RALGPS1: variants seen among roughly 807,000 people sequenced by gnomAD.
RALGPS1 encodes ras-specific guanine nucleotide-releasing factor RalGPS1.
A neutral mutation model predicts 78.8 loss-of-function variants in RALGPS1; 19 were observed. That is an observed-to-expected ratio of 0.24 (90% CI 0.17 to 0.35). The LOEUF is 0.35. Ranked by LOEUF, RALGPS1 falls within the 10% of genes least tolerant of loss-of-function variation. The probability of loss-of-function intolerance (pLI) is 1.00; values close to 1 mark genes in which losing one functional copy is unlikely to be tolerated. For missense variants in RALGPS1, 454 were observed against 688.3 expected (o/e 0.66, Z 3.81); for synonymous variants, 228 against 256.3 (o/e 0.89, Z 1.06).
intron 4 of RALGPS1, among the ~76,000 whole-genome samples, chr9:127,001,470 A>G (rs1235500111): frequency 6.6e-6 from 1 of 152,152 alleles, no homozygotes; most frequent in Non-Finnish European, 1.5e-5. Flanking sequence ...TTAAACTTAT[A>G]GTCTACTTTC....
At chr9:127,207,171 G>A (rs949652836) in intron 14 of RALGPS1, among the ~76,000 whole-genome samples, 4 of 151,612 alleles carry the variant, frequency 2.6e-5, no homozygotes, top group East Asian at 1.9e-4. Flanking sequence ...CACCATCATC[G>A]TTATCCCATC....
intron 8 of RALGPS1, chr9:127,108,775 G>T: frequency 6.5e-7 from 1 of 1,543,260 alleles, no homozygotes; most frequent in South Asian, 1.2e-5. Context: ...TAGAATCTAT[G>T]AAAGCCTGAA....
chr9:127,010,744 T>C (rs2044264314), intron 4 of RALGPS1, among the ~76,000 whole-genome samples: 1 of 152,220 alleles, frequency 6.6e-6, no homozygotes, highest in East Asian at 1.9e-4. Context: ...TGCTAATTGA[T>C]GGCCTCAAAA....
chr9:127,144,107 C>T (rs1263113082), intron 8 of RALGPS1, among the ~76,000 whole-genome samples: 3 of 152,248 alleles, frequency 2.0e-5, no homozygotes, highest in African/African-American at 7.2e-5. Context: ...TTCCCTGCCA[C>T]CTCCTTTTCT....
At chr9:127,035,600 C>T (rs1212343015) in intron 5 of RALGPS1, among the ~76,000 whole-genome samples, 1 of 152,176 alleles carries the variant, frequency 6.6e-6, no homozygotes, top group Non-Finnish European at 1.5e-5. Context: ...TGGGCCTTCT[C>T]TCTCGGAAAT....
chr9:127,149,913 T>A (rs1363389795), intron 8 of RALGPS1, among the ~76,000 whole-genome samples: 1 of 152,236 alleles, frequency 6.6e-6, no homozygotes, highest in African/African-American at 2.4e-5. Context: ...GGTCAGCCCA[T>A]GTGGCAGCAC....
intron 8 of RALGPS1, among the ~76,000 whole-genome samples, chr9:127,118,198 CA>C (rs2055644239): frequency 6.6e-6 from 1 of 152,160 alleles, no homozygotes; most frequent in Non-Finnish European, 1.5e-5. Flanking sequence ...TTCCTGGGAC[CA>C]AAATGTGGCT....
intron 1 of RALGPS1, among the ~76,000 whole-genome samples, chr9:126,951,924 T>A (rs1422580655): frequency 6.6e-6 from 1 of 152,178 alleles, no homozygotes; most frequent in Non-Finnish European, 1.5e-5. Context: ...GAAAACCCCA[T>A]TGTCTGAGCC....
At chr9:126,976,781 A>G (rs904750461) in intron 3 of RALGPS1, among the ~76,000 whole-genome samples, 6 of 152,212 alleles carry the variant, frequency 3.9e-5, no homozygotes, top group Non-Finnish European at 7.3e-5. Flanking sequence ...GGCGTGTCAC[A>G]GAGGCATCTC....
chr9:126,948,486 A>C (rs988258032), intron 1 of RALGPS1, among the ~76,000 whole-genome samples: 1 of 152,174 alleles, frequency 6.6e-6, no homozygotes, highest in Non-Finnish European at 1.5e-5. Context: ...GCACCACTGC[A>C]CTCCAGCCTG....
chr9:127,057,865 A>C lies in RALGPS1; in HGVS notation c.483+4926A>C, dbSNP rs367850112. 3.2e-4 allele frequency among the ~76,000 whole-genome samples: 49 copies of C among 152,358 alleles called. 1 individual carries two copies. In the South Asian group the frequency reaches 1.0e-2, roughly 31 times the overall value. ...GGCTGGCACAAGAAGTGATCAATAA[A>C]TGTTTATTGAATACATGAAGTGATC... is the stretch of plus-strand genomic sequence containing the variant. On this transcript the variant is annotated intron_variant, in intron 7 of 18. Transcript: ENST00000259351.
chr9:127,202,014 G>A (rs1163592953), intron 14 of RALGPS1, among the ~76,000 whole-genome samples: 1 of 152,218 alleles, frequency 6.6e-6, no homozygotes, highest in East Asian at 1.9e-4. Context: ...AGGCTTGGCC[G>A]TGGTGGGGGA....
intron 8 of RALGPS1, chr9:127,088,805 G>A (rs1056299009): frequency 2.2e-5 from 23 of 1,055,516 alleles, no homozygotes; most frequent in African/African-American, 2.1e-4. Context: ...CAGTGACTTC[G>A]GAAAACAGAA....
At chr9:127,078,708 C>G (rs1049254384) in intron 8 of RALGPS1, among the ~76,000 whole-genome samples, 1 of 152,208 alleles carries the variant, frequency 6.6e-6, no homozygotes, top group African/African-American at 2.4e-5. Flanking sequence ...GAAGTTGTGT[C>G]TGACCCTGCA....
intron 5 of RALGPS1, among the ~76,000 whole-genome samples, chr9:127,046,303 G>A (rs1176381737): frequency 1.3e-5 from 2 of 152,194 alleles, no homozygotes; most frequent in Admixed American, 1.3e-4. Context: ...TGAGCTTAGT[G>A]ACTTCCTTGC....
rs2052523613 is a variant in RALGPS1, at chr9:127,091,890, A to T, written c.610+22534A>T. On this transcript the variant is annotated intron_variant, in intron 8 of 18. Coordinates refer to ENST00000259351, the MANE Select transcript of RALGPS1 (RefSeq NM_014636.3). The surrounding 1 kb of genome is among the most constrained non-coding windows in gnomAD (Gnocchi z 4.3). ...AGTTGCCTTGGTTCGTCAGCCAGTA[A>T]ATGTTCTCCAGGCCCAGCCAGTATT... 6.2e-7 allele frequency: 1 copy of T among 1,614,142 alleles called. No homozygotes were observed. The highest frequency in any genetic ancestry group is 8.5e-7 in the Non-Finnish European group (1 of 1,180,028).
At chr9:127,148,050 C>T (rs1033243959) in intron 8 of RALGPS1, among the ~76,000 whole-genome samples, 1 of 152,238 alleles carries the variant, frequency 6.6e-6, no homozygotes, top group Non-Finnish European at 1.5e-5. Flanking sequence ...AACCCTGAGT[C>T]CCTTCACATA....
intron 11 of RALGPS1, among the ~76,000 whole-genome samples, chr9:127,192,289 G>A (rs867282953): frequency 6.6e-6 from 1 of 152,236 alleles, no homozygotes; most frequent in Non-Finnish European, 1.5e-5. Context: ...GAGAGAAGAG[G>A]CAAGTTGCCG....
At chr9:126,939,268 G>A (rs1389116304) in intron 1 of RALGPS1, among the ~76,000 whole-genome samples, 5 of 152,212 alleles carry the variant, frequency 3.3e-5, no homozygotes, top group African/African-American at 9.7e-5. Flanking sequence ...TGCTCATGGG[G>A]TGGCTTGAGC....
Sources: gnomAD v4.1 joint callset for allele counts (sites outside exome capture counted in the v4.1 genomes callset) on GRCh38, gnomAD v4.1.1 for gene constraint, Gnocchi (gnomAD v3.1) non-coding constraint, MANE v1.5 for transcripts, NCBI Gene and HGNC (gene_info 2026-07-23, HGNC 2026-07-21) for gene names.